Variants in KCNQ1 observed in about 807,000 individuals in gnomAD.
KCNQ1 encodes potassium voltage-gated channel subfamily Q member 1, also known as potassium voltage-gated channel subfamily KQT member 1.
Under a neutral mutation model 72.4 loss-of-function variants are expected in KCNQ1, and 49 were observed. The ratio of observed to expected loss-of-function variants is 0.68; its 90% CI spans 0.54 to 0.86. The LOEUF is 0.86. Ranked by LOEUF, KCNQ1 falls within the 40% of genes least tolerant of loss-of-function variation. KCNQ1 has a pLI of 0.00. For missense variants in KCNQ1, 790 were observed against 945.1 expected, an observed-to-expected ratio of 0.84 and a Z score of 2.15; for synonymous variants, 450 against 412.6, an observed-to-expected ratio of 1.09 and a Z score of -1.10.
chr11:2,716,836 C>T (rs996449482), intron 11 of KCNQ1, among the ~76,000 whole-genome samples: 6 of 152,316 alleles, frequency 3.9e-5, no homozygotes, highest in Middle Eastern at 3.4e-3. Context: ...TGGAGGGAGC[C>T]GAGGGCAGGC....
At chr11:2,672,375 ATG>A (rs1850201296) in intron 11 of KCNQ1, 3 of 346,562 alleles carry the variant, frequency 8.7e-6, no homozygotes, top group African/African-American at 7.4e-5. Flanking sequence ...ACAGGCTGAT[ATG>A]ATTGAGCTCA....
chr11:2,655,958 G>T, intron 10 of KCNQ1: 1 of 398,698 alleles, frequency 2.5e-6, no homozygotes. Context: ...GCAGGTGCAG[G>T]TCCCACCCAC....
Position 2,547,769 on chromosome 11 carries a change from G to A in KCNQ1, c.477+19751G>A, listed in dbSNP as rs1048987948. ...ACTTCGCGGGTAAGAAATGGTGAGT[G>A]GCATGGAAGGGGAGGGGCGGCAGTT... On this transcript the variant is annotated intron_variant, in intron 2 of 15. Coordinates refer to ENST00000155840, the MANE Select transcript of KCNQ1 (RefSeq NM_000218.3). This position sits in a 1 kb window ranked among gnomAD's most constrained non-coding sequence, Gnocchi z 4.2. Among the ~76,000 whole-genome samples, 2 of 152,182 alleles carry A rather than the reference G, an allele frequency of 1.3e-5. No homozygotes were observed. Among genetic ancestry groups the A allele is most frequent in the African/African-American group, 4.8e-5 (2 of 41,432 alleles).
chr11:2,801,575 ACCAAGGCC>A (rs1199779456), intron 15 of KCNQ1, among the ~76,000 whole-genome samples: 1 of 152,162 alleles, frequency 6.6e-6, no homozygotes, highest in African/African-American at 2.4e-5. Context: ...GTCCTATGGG[ACCAAGGCC>A]CTGCCTTCAC....
chr11:2,472,382 G>A (rs1466711914), intron 1 of KCNQ1, among the ~76,000 whole-genome samples: 3 of 147,180 alleles, frequency 2.0e-5, no homozygotes, highest in Non-Finnish European at 4.6e-5. Context: ...CTGTATAGGT[G>A]TGTGTGTTTG....
intron 2 of KCNQ1, among the ~76,000 whole-genome samples, chr11:2,546,634 TTA>T (rs1261009223): frequency 2.0e-5 from 3 of 151,122 alleles, no homozygotes; most frequent in Non-Finnish European, 2.9e-5. Flanking sequence ...TTAATGTATT[TTA>T]TTTTTTGCTT....
chr11:2,596,448 C>A (rs1326275849), intron 10 of KCNQ1, among the ~76,000 whole-genome samples: 1 of 152,078 alleles, frequency 6.6e-6, no homozygotes, highest in African/African-American at 2.4e-5. Flanking sequence ...AAATACCCAT[C>A]AACATTTGAA....
intron 1 of KCNQ1, among the ~76,000 whole-genome samples, chr11:2,489,188 T>C (rs7115906): frequency 0.98 from 149,053 of 152,350 alleles, 72,921 homozygotes; most frequent in East Asian, 1. Context: ...GACAGCACTG[T>C]GCCTCCCATC....
At position 2,445,504 on chromosome 11, in the gene KCNQ1, A is replaced by ACGG. The variant is rs1846024777; in HGVS notation, c.386+22_386+24dup. 2 of 1,587,210 alleles carry ACGG rather than the reference A, an allele frequency of 1.3e-6. No homozygotes were observed. Among genetic ancestry groups the ACGG allele is most frequent in the Admixed American group, 3.4e-5 (2 of 58,192 alleles). On this transcript the variant is annotated intron_variant, in intron 1 of 15. Transcript: ENST00000155840. ...CGCCGTGTGAGTATCGCCACCGGCGACGGCCGGCACGAAGGTGCTTCCTGA... is the reference window on the plus strand; with the variant it reads ...CGCCGTGTGAGTATCGCCACCGGCGACGGCGGCCGGCACGAAGGTGCTTCCTGA...
chr11:2,796,414 A>G (rs895166598), intron 15 of KCNQ1, among the ~76,000 whole-genome samples: 3 of 152,190 alleles, frequency 2.0e-5, no homozygotes, highest in Admixed American at 6.5e-5. Flanking sequence ...GGAAGCACCC[A>G]TCGCTTTCCT....
chr11:2,791,035 C>G (rs1328749352), intron 15 of KCNQ1, among the ~76,000 whole-genome samples: 1 of 152,232 alleles, frequency 6.6e-6, no homozygotes, highest in Non-Finnish European at 1.5e-5. Context: ...GGGACAGTTG[C>G]CACCCTCAAG....
intron 1 of KCNQ1, among the ~76,000 whole-genome samples, chr11:2,500,994 C>T (rs1263807625): frequency 1.3e-5 from 2 of 152,086 alleles, no homozygotes; most frequent in Non-Finnish European, 2.9e-5. Flanking sequence ...GCATGTTCTG[C>T]ACATGTACCC....
chr11:2,641,353 T>C (rs940868156), intron 10 of KCNQ1: 12 of 398,354 alleles, frequency 3.0e-5, no homozygotes, highest in Admixed American at 4.4e-5. Flanking sequence ...ATTCTCACTA[T>C]GGTTTTGGCT....
intron 7 of KCNQ1, among the ~76,000 whole-genome samples, chr11:2,583,760 A>G (rs1401940311): frequency 6.6e-6 from 1 of 152,166 alleles, no homozygotes; most frequent in African/African-American, 2.4e-5. Flanking sequence ...CCTTGCAGGC[A>G]GTGTGGGAGG....
At chr11:2,714,017 C>T (rs2133920951) in intron 11 of KCNQ1, among the ~76,000 whole-genome samples, 1 of 151,526 alleles carries the variant, frequency 6.6e-6, no homozygotes, top group Admixed American at 6.6e-5. Context: ...CCTTGGGGCA[C>T]CCAGGCCTGC....
At chr11:2,506,368 C>T (rs891665020) in intron 1 of KCNQ1, among the ~76,000 whole-genome samples, 3 of 152,296 alleles carry the variant, frequency 2.0e-5, no homozygotes, top group Middle Eastern at 3.4e-3. Flanking sequence ...CACTACATAT[C>T]AGTTCGTGGG....
At chr11:2,684,546 C>A (rs1850452245) in intron 11 of KCNQ1, 1 of 398,654 alleles carries the variant, frequency 2.5e-6, no homozygotes, top group Non-Finnish European at 4.4e-6. Flanking sequence ...ATATTTGATG[C>A]TTTCTCCATG....
intron 2 of KCNQ1, among the ~76,000 whole-genome samples, chr11:2,539,830 G>A (rs1363354362): frequency 6.6e-6 from 1 of 152,250 alleles, no homozygotes; most frequent in Non-Finnish European, 1.5e-5. Context: ...GGGCTGGAAA[G>A]AGCCTCATCA....
In KCNQ1 at chr11:2,457,228, AG is replaced by A. The variant is rs1437337571; in HGVS notation, c.386+11746del. Among the ~76,000 whole-genome samples the A allele has an allele frequency of 5.3e-5, 8 of 152,192 alleles. No homozygotes were observed. The highest frequency in any genetic ancestry group is 1.9e-4 in the African/African-American group (8 of 41,444). ...TGTAAATGAGTCCAGCCACCATGGAAGGCAGTTTGGAGATTTCCCAAAGAAC... is the reference window on the plus strand; with the variant it reads ...TGTAAATGAGTCCAGCCACCATGGAAGCAGTTTGGAGATTTCCCAAAGAAC... On this transcript the variant is annotated intron_variant, in intron 1 of 15. Coordinates refer to ENST00000155840, the MANE Select transcript of KCNQ1 (RefSeq NM_000218.3). The surrounding 1 kb of genome is among the most constrained non-coding windows in gnomAD (Gnocchi z 5.0).
Sources: gnomAD v4.1 joint callset for allele counts (sites outside exome capture counted in the v4.1 genomes callset) on GRCh38, gnomAD v4.1.1 for gene constraint, Gnocchi (gnomAD v3.1) non-coding constraint, MANE v1.5 for transcripts, NCBI Gene and HGNC (gene_info 2026-07-23, HGNC 2026-07-21) for gene names.